The following LRRC7 variants were observed in gnomAD, a reference collection of about 807,000 sequenced individuals.
The protein encoded by LRRC7 is leucine-rich repeat-containing protein 7.
In LRRC7, 23 loss-of-function variants were observed where a neutral mutation model predicts 175.7. The ratio of observed to expected loss-of-function variants is 0.13; its 90% confidence interval spans 0.09 to 0.19. The LOEUF is 0.19. Ranked by LOEUF, LRRC7 falls within the 10% of genes least tolerant of loss-of-function variation. The pLI is 1.00. For synonymous variants in LRRC7, 685 were observed against 680.9 expected, an observed-to-expected ratio of 1.01 and a Z score of -0.09; for missense variants, 1,354 against 1,904.7, an observed-to-expected ratio of 0.71 and a Z score of 5.38.
At chr1:69,770,324 G>T (rs1672089318) in intron 3 of LRRC7, among the ~76,000 whole-genome samples, 1 of 152,104 alleles carries the variant, frequency 6.6e-6, no homozygotes, top group Non-Finnish European at 1.5e-5. Flanking sequence ...TGTAACTTAA[G>T]ATGTATTAGT....
intron 1 of LRRC7, among the ~76,000 whole-genome samples, chr1:69,621,326 G>T (rs1178192558): frequency 6.6e-6 from 1 of 152,136 alleles, no homozygotes. Context: ...GGTAATAGGA[G>T]TGAGCCACCG....
Position 70,128,532 on chromosome 1 carries a change from C to T in LRRC7, c.*6645C>T, listed in dbSNP as rs949684965. ...TTCATAGCAAACTCTTGTACTTCCT[C>T]CACAGGAAAACATTTACTGTAGCTG... On this transcript the variant is annotated 3_prime_UTR_variant, in exon 27 of 27. Coordinates refer to ENST00000651989, the MANE Select transcript of LRRC7 (RefSeq NM_001370785.2). 6.6e-6 allele frequency: 1 copy of T among 152,106 alleles called. No homozygotes were observed. Among genetic ancestry groups the T allele is most frequent in the Non-Finnish European group, 1.5e-5 (1 of 68,002 alleles). 9.4% of individuals were successfully genotyped at this position (152,106 alleles called of 1,614,324 possible). A position where few individuals can be genotyped will look rare whatever the true frequency, so the allele number is the denominator to read the frequency against.
chr1:69,667,468 T>C (rs1427339314), intron 1 of LRRC7, among the ~76,000 whole-genome samples: 1 of 152,190 alleles, frequency 6.6e-6, no homozygotes, highest in Non-Finnish European at 1.5e-5. Context: ...AGTATGTGTT[T>C]TGTATACCTA....
intron 2 of LRRC7, among the ~76,000 whole-genome samples, chr1:69,685,775 A>G (rs1484032007): frequency 6.6e-6 from 1 of 152,074 alleles, no homozygotes; most frequent in Non-Finnish European, 1.5e-5. Context: ...GAGTCCCAGG[A>G]GAGGAGAAGG....
intron 2 of LRRC7, among the ~76,000 whole-genome samples, chr1:69,747,797 T>TA (rs57096712): frequency 1.0e-3 from 155 of 149,936 alleles, no homozygotes; most frequent in South Asian, 5.7e-3. Context: ...AGACTAACAG[T>TA]AAAAAAAAAA....
intron 1 of LRRC7, among the ~76,000 whole-genome samples, chr1:69,674,959 A>T (rs946996875): frequency 6.6e-6 from 1 of 152,214 alleles, no homozygotes; most frequent in African/African-American, 2.4e-5. Flanking sequence ...TGTGACAGAC[A>T]CAACGCAAAG....
chr1:69,715,836 A>G (rs1177894997), intron 2 of LRRC7, among the ~76,000 whole-genome samples: 3 of 152,066 alleles, frequency 2.0e-5, no homozygotes, highest in Non-Finnish European at 4.4e-5. Context: ...TAGAAATAAA[A>G]TAGGCAAGAA....
At chr1:69,782,954 C>T (rs2101032559) in intron 3 of LRRC7, among the ~76,000 whole-genome samples, 1 of 152,276 alleles carries the variant, frequency 6.6e-6, no homozygotes, top group Middle Eastern at 3.4e-3. Context: ...AAAAGGTTAA[C>T]TCAAAATTGT....
chr1:69,885,903 C>T (rs1389104376), intron 7 of LRRC7, among the ~76,000 whole-genome samples: 4 of 103,910 alleles, frequency 3.8e-5, no homozygotes, highest in Non-Finnish European at 8.3e-5. Context: ...GCAGTTTGTT[C>T]AGTTTCCATG....
At chr1:69,716,092 T>C (rs1665318123) in intron 2 of LRRC7, 1 of 410,894 alleles carries the variant, frequency 2.4e-6, no homozygotes. Flanking sequence ...CATTTGTCAA[T>C]TTATAATTGC....
At chr1:70,007,005 C>A (rs1656051234) in intron 11 of LRRC7, among the ~76,000 whole-genome samples, 1 of 152,156 alleles carries the variant, frequency 6.6e-6, no homozygotes, top group Non-Finnish European at 1.5e-5. Context: ...CATGGAAGCT[C>A]TCCAAGCCTT....
At chr1:69,734,720 T>G (rs141623667) in intron 2 of LRRC7, among the ~76,000 whole-genome samples, 1 of 152,066 alleles carries the variant, frequency 6.6e-6, no homozygotes, top group African/African-American at 2.4e-5. Context: ...GAGTTTTGAA[T>G]TCCTTACTTT....
At chr1:69,972,524 A>G (rs527533467) in intron 8 of LRRC7, among the ~76,000 whole-genome samples, 187 of 152,324 alleles carry the variant, frequency 1.2e-3, no homozygotes, top group African/African-American at 4.3e-3. Context: ...GAAATGCTCA[A>G]CATCACTAGT....
chr1:69,652,201 G>A (rs1655939675), intron 1 of LRRC7, among the ~76,000 whole-genome samples: 1 of 151,816 alleles, frequency 6.6e-6, no homozygotes, highest in African/African-American at 2.4e-5. Flanking sequence ...ATAAGAAAGA[G>A]GTACAATTTT....
intron 4 of LRRC7, among the ~76,000 whole-genome samples, chr1:69,815,600 A>G (rs960510257): frequency 2.6e-5 from 4 of 152,218 alleles, no homozygotes; most frequent in Non-Finnish European, 4.4e-5. Context: ...AAGCTCTTTC[A>G]ATGACAGCCA....
Position 69,876,735 on chromosome 1 carries a change from C to G in LRRC7, c.647+38452C>G, listed in dbSNP as rs563537548. Among the ~76,000 whole-genome samples, 35 of 152,250 alleles carry G rather than the reference C, an allele frequency of 2.3e-4. No individual in the cohort carries two copies. In the South Asian group the frequency reaches 7.2e-3, roughly 32 times the overall value. ...TTTAGAGAAATGCAAATCTTTAATT[C>G]AATCCAATTCAATAAACATTTGTTG... On this transcript the variant is annotated intron_variant, in intron 7 of 26. Transcript: ENST00000651989.
intron 1 of LRRC7, among the ~76,000 whole-genome samples, chr1:69,612,000 C>T (rs974368556): frequency 2.0e-5 from 3 of 152,006 alleles, no homozygotes; most frequent in African/African-American, 7.2e-5. Flanking sequence ...CAGTAGGAAG[C>T]TACATAAATT....
intron 8 of LRRC7, among the ~76,000 whole-genome samples, chr1:69,971,977 C>A (rs1252187547): frequency 6.6e-6 from 1 of 152,196 alleles, no homozygotes; most frequent in African/African-American, 2.4e-5. Flanking sequence ...CTCATACTTA[C>A]AGCCAACTGA....
At chr1:69,598,485 G>A (rs2100984708) in intron 1 of LRRC7, among the ~76,000 whole-genome samples, 1 of 152,230 alleles carries the variant, frequency 6.6e-6, no homozygotes, top group Non-Finnish European at 1.5e-5. Flanking sequence ...TCAGGGAAGA[G>A]TGTGTGGGTC....
Sources: allele counts gnomAD v4.1 joint callset (sites outside exome capture counted in the v4.1 genomes callset), GRCh38; gene constraint gnomAD v4.1.1; transcripts MANE v1.5; gene names NCBI Gene and HGNC (gene_info 2026-07-23, HGNC 2026-07-21).